ZNF141: variants seen among roughly 807,000 people sequenced by gnomAD.
ZNF141 encodes the protein zinc finger protein 141, also known as zinc finger protein 141 (clone pHZ-44).
In ZNF141, 7 loss-of-function variants were observed where a neutral mutation model predicts 11.3. The ratio of observed to expected loss-of-function variants is 0.62; its 90% confidence interval spans 0.35 to 1.16. ZNF141 has a LOEUF of 1.16. Ranked by LOEUF, ZNF141 falls within the 50% of genes most tolerant of loss-of-function variation. ZNF141 has a pLI of 0.02. For missense variants in ZNF141, 535 were observed against 554.0 expected, an observed-to-expected ratio of 0.97 and a Z score of 0.34; for synonymous variants, 183 against 190.7, an observed-to-expected ratio of 0.96 and a Z score of 0.33.
intron 3 of ZNF141, among the ~76,000 whole-genome samples, chr4:355,760 GA>G (rs1553851126): frequency 6.6e-6 from 1 of 152,122 alleles, no homozygotes; most frequent in African/African-American, 2.4e-5. Context: ...ATAAAGAATA[GA>G]AGTTTACTTA....
chr4:361,572 C>G (rs1232947995), intron 3 of ZNF141, among the ~76,000 whole-genome samples: 1 of 152,074 alleles, frequency 6.6e-6, no homozygotes, highest in African/African-American at 2.4e-5. Flanking sequence ...GTTCCCCACC[C>G]TGTGTTTGAG....
chr4:342,687 G>T, intron 1 of ZNF141: 1 of 891,558 alleles, frequency 1.1e-6, no homozygotes, highest in Non-Finnish European at 1.8e-6. Context: ...ACAGTTTGAA[G>T]AGAAACCATC....
At chr4:343,749 G>C (rs782139844) in intron 1 of ZNF141, 33 bp from the exon 2 acceptor site, 1 of 631,300 alleles carries the variant, frequency 1.6e-6, no homozygotes, top group Non-Finnish European at 2.1e-6. Context: ...AAAAAAAAAA[G>C]AACTATGTCC....
At chr4:353,511 A>G (rs1721707314) in intron 3 of ZNF141, among the ~76,000 whole-genome samples, 2 of 146,872 alleles carry the variant, frequency 1.4e-5, no homozygotes, top group African/African-American at 5.1e-5. Flanking sequence ...TCCAGGCTGG[A>G]GTGCAGTGGC....
chr4:346,053 G>T (rs1721305772), intron 3 of ZNF141, among the ~76,000 whole-genome samples: 1 of 152,178 alleles, frequency 6.6e-6, no homozygotes, highest in Non-Finnish European at 1.5e-5. Flanking sequence ...ATAAAAATGT[G>T]TGTCTCACAC....
rs1432713056 is a variant in ZNF141 at position 373,171 on chromosome 4, AT to A, written c.735del (p.His245GlnfsTer3). 2.5e-6 allele frequency: 4 copies of A among 1,614,152 alleles called. No individual in the cohort carries two copies. The highest frequency in any genetic ancestry group is 3.4e-6 in the Non-Finnish European group (4 of 1,180,018). ...ACCACATCCTCACACTTTGCTAAGC[AT>A]AAAATAATTCATACTGGAGAAAAAC... ...IFTTSSHFAK[H>X]KIIHTGEKPY... On this transcript the variant is annotated frameshift_variant, in exon 4 of 4. Transcript: ENST00000240499. LOFTEE classifies it low-confidence loss of function (END_TRUNC).
intron 1 of ZNF141, among the ~76,000 whole-genome samples, chr4:341,221 C>T (rs1415423287): frequency 1.3e-5 from 2 of 152,114 alleles, no homozygotes; most frequent in Admixed American, 6.6e-5. Flanking sequence ...CCACCATGCC[C>T]GGCGGATTTT....
rs996018242 is a variant in ZNF141 at position 363,186 on chromosome 4, G to C, written c.227-9478G>C. Among the ~76,000 whole-genome samples the C allele has an allele frequency of 1.4e-4, 21 of 152,086 alleles. 1 individual carries two copies. Among genetic ancestry groups the C allele is most frequent in the Admixed American group, 7.2e-4 (11 of 15,272 alleles). ...ATGATTTGGCTCTCTGTCTGTTACTGGTGTTATAGGAATGCTCGTGATTTT... is the reference window on the plus strand; with the variant it reads ...ATGATTTGGCTCTCTGTCTGTTACTCGTGTTATAGGAATGCTCGTGATTTT... On this transcript the variant is annotated intron_variant, in intron 3 of 3. Transcript: ENST00000240499.
chr4:342,666 G>C (rs1261133160), intron 1 of ZNF141, among the ~76,000 whole-genome samples: 1 of 152,208 alleles, frequency 6.6e-6, no homozygotes, highest in Non-Finnish European at 1.5e-5. Context: ...TCTTCCAGTA[G>C]GATCACATGG....
intron 1 of ZNF141, among the ~76,000 whole-genome samples, chr4:339,241 G>C (rs115795345): frequency 2.6e-5 from 4 of 152,176 alleles, no homozygotes; most frequent in Admixed American, 1.3e-4. Context: ...TCTGTAGCAG[G>C]AATCTGTTTT....
Position 373,828 on chromosome 4 carries a change from C to T in ZNF141, c.1391C>T (p.Ser464Leu). The change falls in exon 4 of 4, where the codon TCA becomes TTA. Residue 464 changes from serine to leucine, a missense_variant. Ser to Leu is a moderately radical substitution (Grantham distance 145, BLOSUM62 -2). Coordinates refer to ENST00000240499, the MANE Select transcript of ZNF141 (RefSeq NM_003441.4). Reference sequence around the variant, plus strand: ...TGTGACAAAGCCTTTAAACGGTTCTCACACCTGAATAAACATAAGAAAATT... The same window carrying T: ...TGTGACAAAGCCTTTAAACGGTTCTTACACCTGAATAAACATAAGAAAATT... ...KDCDKAFKRF[S>L]HLNKHKKIHT The T allele has an allele frequency of 1.2e-6, 2 of 1,610,362 alleles. No homozygotes were observed. Among genetic ancestry groups the T allele is most frequent in the Middle Eastern group, 1.7e-4 (1 of 6,052 alleles).
At chr4:345,215 A>G (rs1560181782) in intron 3 of ZNF141, among the ~76,000 whole-genome samples, 1 of 152,186 alleles carries the variant, frequency 6.6e-6, no homozygotes, top group Non-Finnish European at 1.5e-5. Context: ...AGTGTTTTTT[A>G]ATCCTATGGA....
chr4:344,515 G>A lies in ZNF141; in HGVS notation c.226+85G>A, dbSNP rs1451003130. 55 of 1,219,466 alleles carry A rather than the reference G, an allele frequency of 4.5e-5. No individual in the cohort carries two copies. In the African/African-American group the frequency reaches 8.1e-4, roughly 18 times the overall value. 75.5% of individuals were successfully genotyped at this position (1,219,466 alleles called of 1,614,324 possible). A position where few individuals can be genotyped will look rare whatever the true frequency, so the allele number is the denominator to read the frequency against. On this transcript the variant is annotated intron_variant, in intron 3 of 3. Transcript: ENST00000240499. ...GCCAGGCCTTAAAATGTGGTTTGGG[G>A]CCGGGTGCAGTGGCTCATGCCTGTA...
rs1553848975 is a variant in ZNF141 at position 343,890 on chromosome 4, A to G, written c.112A>G (p.Arg38Gly). The G allele has an allele frequency of 6.2e-7, 1 of 1,605,506 alleles. No individual in the cohort carries two copies. ...LYRDVMLENY[R>G]NLVSLGVAIS... ...TAGAGATGTGATGTTGGAGAACTACAGGAACCTGGTCTCCCTGGGTGAGGA... is the reference window on the plus strand; with the variant it reads ...TAGAGATGTGATGTTGGAGAACTACGGGAACCTGGTCTCCCTGGGTGAGGA... The change falls in exon 2 of 4, where the codon AGG becomes GGG. Residue 38 changes from arginine (R) to glycine (G), a missense_variant. Coordinates refer to ENST00000240499, the MANE Select transcript of ZNF141 (RefSeq NM_003441.4).
chr4:346,854 T>C (rs1721341339), intron 3 of ZNF141, among the ~76,000 whole-genome samples: 1 of 148,564 alleles, frequency 6.7e-6, no homozygotes, highest in African/African-American at 2.6e-5. Flanking sequence ...TATATATGTA[T>C]ATACATGTAT....
chr4:342,003 C>T (rs1721072301), intron 1 of ZNF141, among the ~76,000 whole-genome samples: 1 of 152,178 alleles, frequency 6.6e-6, no homozygotes, highest in Non-Finnish European at 1.5e-5. Context: ...AAAAATTCCT[C>T]TGAATTGTAC....
intron 1 of ZNF141, chr4:343,080 C>T: frequency 2.4e-6 from 1 of 421,586 alleles, no homozygotes; most frequent in Non-Finnish European, 4.0e-6. Context: ...TAAAAAGTTC[C>T]TTGCATGATT....
chr4:369,756 A>ATTTTTTT (rs1560196775), intron 3 of ZNF141, among the ~76,000 whole-genome samples: 3 of 35,360 alleles, frequency 8.5e-5, no homozygotes, highest in African/African-American at 3.3e-4. Context: ...ATATATATAT[A>ATTTTTTT]TATATATATT....
rs1304643560 is a variant in ZNF141 at position 373,476 on chromosome 4, G to C, written c.1039G>C (p.Ala347Pro). 1.2e-6 allele frequency: 2 copies of C among 1,613,900 alleles called. No individual in the cohort carries two copies. The highest frequency in any genetic ancestry group is 2.7e-5 in the African/African-American group (2 of 74,878). ...KPYTCEECGK[A>P]FRQSSKLNEH... ...CTACACATGTGAAGAATGTGGCAAA[G>C]CTTTTAGACAGTCCTCAAAACTGAA... Residue 347 changes from alanine (A) to proline (P), a missense_variant, in exon 4 of 4, where the codon GCT becomes CCT. Physicochemically the swap from Ala to Pro is conservative, Grantham distance 27 (BLOSUM62 -1). Coordinates refer to ENST00000240499, the MANE Select transcript of ZNF141 (RefSeq NM_003441.4).
Sources: allele counts gnomAD v4.1 joint callset (sites outside exome capture counted in the v4.1 genomes callset), GRCh38; gene constraint gnomAD v4.1.1; transcripts MANE v1.5; gene names NCBI Gene and HGNC (gene_info 2026-07-23, HGNC 2026-07-21).